ACSL6: variants seen among roughly 807,000 people sequenced by gnomAD.
The protein encoded by ACSL6 is acyl-CoA synthetase long chain family member 6, also known as long-chain-fatty-acid--CoA ligase 6.
A neutral mutation model predicts 98.2 loss-of-function variants in ACSL6; 47 were observed. That is an observed-to-expected ratio of 0.48 (90% CI 0.38 to 0.61). The LOEUF is 0.61. ACSL6 is among the 20% of genes least tolerant of loss of function. The pLI is 0.00. For synonymous variants in ACSL6, 362 were observed against 336.9 expected, an observed-to-expected ratio of 1.07 and a Z score of -0.82; for missense variants, 761 against 913.4, an observed-to-expected ratio of 0.83 and a Z score of 2.15.
At chr5:131,984,981 G>A (rs907498720) in intron 9 of ACSL6, 18 of 220,242 alleles carry the variant, frequency 8.2e-5, no homozygotes, top group Non-Finnish European at 1.5e-4. Flanking sequence ...CCAGCAAGCA[G>A]TGGAGGTAGG....
intron 15 of ACSL6, among the ~76,000 whole-genome samples, chr5:131,968,709 G>GTTGTTAGATAATTCACTGGCAA (rs1753151404): frequency 6.6e-6 from 1 of 152,164 alleles, no homozygotes; most frequent in South Asian, 2.1e-4. Flanking sequence ...AGTGATTGTG[G>GTTGTTAGATAATTCACTGGCAA]TTGTTAGATA....
intron 8 of ACSL6, among the ~76,000 whole-genome samples, chr5:131,985,979 A>G (rs1754155888): frequency 6.6e-6 from 1 of 152,258 alleles, no homozygotes; most frequent in African/African-American, 2.4e-5. Flanking sequence ...GGTCACCAGA[A>G]GGAGCCCACC....
chr5:131,999,122 T>C (rs1409558485), intron 1 of ACSL6, among the ~76,000 whole-genome samples: 1 of 151,514 alleles, frequency 6.6e-6, no homozygotes, highest in African/African-American at 2.4e-5. Context: ...CCAGGGACCC[T>C]AGCAAACGAG....
intron 1 of ACSL6, among the ~76,000 whole-genome samples, chr5:131,997,627 A>G (rs769903854): frequency 1.3e-5 from 2 of 152,194 alleles, no homozygotes; most frequent in Non-Finnish European, 2.9e-5. Context: ...CTGGCCTTAC[A>G]TCAAGAACTC....
intron 1 of ACSL6, among the ~76,000 whole-genome samples, chr5:132,005,248 A>G (rs1000948563): frequency 2.6e-5 from 4 of 152,228 alleles, no homozygotes; most frequent in African/African-American, 9.7e-5. Context: ...CACGATGAAC[A>G]CTGAAGTTCT....
At chr5:132,002,241 C>T (rs1030863395) in intron 1 of ACSL6, among the ~76,000 whole-genome samples, 4 of 152,214 alleles carry the variant, frequency 2.6e-5, no homozygotes, top group South Asian at 2.1e-4. Context: ...GGCTGTAACA[C>T]GATCCTTTGC....
intron 10 of ACSL6, chr5:131,976,106 C>T (rs1753598246): frequency 1.0e-6 from 1 of 985,328 alleles, no homozygotes. Context: ...GAAAAGTCCT[C>T]CTTTGTTAGC....
At chr5:131,972,398 C>A (rs1484281212) in intron 13 of ACSL6, among the ~76,000 whole-genome samples, 1 of 152,034 alleles carries the variant, frequency 6.6e-6, no homozygotes, top group African/African-American at 2.4e-5. Context: ...CAGGGAGGGG[C>A]AAGAGAACTT....
chr5:131,976,653 T>C lies in ACSL6; in HGVS notation c.985A>G (p.Thr329Ala). ...VADFSGFLKVTEKVIFPRQDD... is the reference protein window; with the variant it reads ...VADFSGFLKVAEKVIFPRQDD... ...AGTAATGCTACTTTATTCACCTCTGTCACTTTCAGAAAGCCTGAGAAATCA... is the reference window on the plus strand; with the variant it reads ...AGTAATGCTACTTTATTCACCTCTGCCACTTTCAGAAAGCCTGAGAAATCA... The change falls in exon 10 of 21, where the codon ACA (threonine) becomes GCA (alanine). Residue 329 changes from threonine (T) to alanine (A), a missense_variant. By Grantham distance (58) the Thr-to-Ala change is moderately conservative. Transcript: ENST00000651883. 3 of 1,613,966 alleles carry C rather than the reference T, an allele frequency of 1.9e-6. No homozygotes were observed. Among genetic ancestry groups the C allele is most frequent in the Non-Finnish European group, 2.5e-6 (3 of 1,179,838 alleles).
At chr5:131,975,202 A>G in intron 10 of ACSL6, 2 of 1,385,186 alleles carry the variant, frequency 1.4e-6, no homozygotes, top group Non-Finnish European at 1.9e-6. Flanking sequence ...GAGACAGGGC[A>G]GCATAGGAAG....
At position 131,985,454 on chromosome 5, in the gene ACSL6, G is replaced by A. The variant is rs779737025; in HGVS notation, c.869C>T (p.Pro290Leu). 10 of 1,613,648 alleles carry A rather than the reference G, an allele frequency of 6.2e-6. No homozygotes were observed. Among genetic ancestry groups the A allele is most frequent in the Non-Finnish European group, 6.8e-6 (8 of 1,179,960 alleles). Residue 290 changes from proline to leucine, a missense_variant, in exon 9 of 21, where the codon CCG becomes CTG. Physicochemically the swap from Pro to Leu is moderately conservative, Grantham distance 98. Transcript: ENST00000651883. Reference sequence around the variant, plus strand: ...CACAATGGAGAGGTCATCAGGCTGCGGGGGCTGCAGGGGTGAGAAGAGGAG... The same window carrying A: ...CACAATGGAGAGGTCATCAGGCTGCAGGGGCTGCAGGGGTGAGAAGAGGAG... ...GQENHQAPVPPQPDDLSIVCF... is the reference protein window; with the variant it reads ...GQENHQAPVPLQPDDLSIVCF...
At chr5:131,968,787 G>A (rs568914434) in intron 15 of ACSL6, among the ~76,000 whole-genome samples, 12 of 152,138 alleles carry the variant, frequency 7.9e-5, no homozygotes, top group Non-Finnish European at 1.3e-4. Context: ...ATTGAGCCGC[G>A]TATATGAAAA....
intron 1 of ACSL6, among the ~76,000 whole-genome samples, chr5:132,000,138 C>G (rs888430298): frequency 1.3e-5 from 2 of 151,992 alleles, no homozygotes; most frequent in Admixed American, 1.3e-4. Flanking sequence ...CCTCTGCTCC[C>G]CACCCCCACA....
chr5:132,010,331 T>G (rs1308515750), intron 1 of ACSL6, among the ~76,000 whole-genome samples: 2 of 152,232 alleles, frequency 1.3e-5, no homozygotes, highest in Non-Finnish European at 1.5e-5. Flanking sequence ...TAGCATTGGT[T>G]GATCAATTAA....
At chr5:131,991,413 G>A (rs1295637992) in intron 2 of ACSL6, among the ~76,000 whole-genome samples, 1 of 152,206 alleles carries the variant, frequency 6.6e-6, no homozygotes, top group East Asian at 1.9e-4. Flanking sequence ...TTAAGGATCA[G>A]TTGGGTGTGG....
chr5:131,971,498 T>C (rs1409465606), intron 14 of ACSL6, 52 bp downstream of exon 14: 6 of 1,477,418 alleles, frequency 4.1e-6, no homozygotes, highest in Non-Finnish European at 5.5e-6. Context: ...GTAGTTTTCC[T>C]GCCCTAACGA....
At position 131,996,696 on chromosome 5, in the gene ACSL6, C is replaced by A. The variant is rs1292746430; in HGVS notation, c.50-2445G>T. Among the ~76,000 whole-genome samples the A allele has an allele frequency of 2.0e-5, 3 of 152,222 alleles. No individual in the cohort carries two copies. In the East Asian group the frequency reaches 5.8e-4, roughly 29 times the overall value. ...ATTCGGTGCAATGCTAGAGTTTTTA[C>A]AGAGCACAGCCCAGATTAGCCAAGT... On this transcript the variant is annotated intron_variant, in intron 1 of 20. Transcript: ENST00000651883.
intron 10 of ACSL6, chr5:131,975,810 A>C (rs1246908487): frequency 1.0e-6 from 1 of 985,056 alleles, no homozygotes; most frequent in African/African-American, 1.8e-5. Flanking sequence ...CCTGCTCTCC[A>C]CCCCTTTGCA....
In ACSL6 at chr5:131,988,830, C is replaced by T. The variant is rs967693367; in HGVS notation, c.627G>A (p.Gly209=). Residue 209 remains glycine, a synonymous_variant, in exon 6 of 21, where the codon GGG becomes GGA. Transcript: ENST00000651883. The part of the protein sequence containing the change: ...VVPLYDTLGP[G]AIRYIINTAD... ...CTGTATTGATGATGTAGCGGATAGC[C>T]CCAGGGCCCAGGGTGTCATAGAGCG... 1.9e-6 allele frequency: 3 copies of T among 1,613,582 alleles called. No homozygotes were observed. The highest frequency in any genetic ancestry group is 2.5e-6 in the Non-Finnish European group (3 of 1,179,930).
Sources: gnomAD v4.1 joint callset for allele counts (sites outside exome capture counted in the v4.1 genomes callset) on GRCh38, gnomAD v4.1.1 for gene constraint, MANE v1.5 for transcripts, NCBI Gene and HGNC (gene_info 2026-07-23, HGNC 2026-07-21) for gene names.